The following PBRM1 variants were observed in gnomAD, a reference collection of about 807,000 sequenced individuals.
PBRM1 encodes the protein polybromo 1.
In PBRM1, 27 loss-of-function variants were observed where a neutral mutation model predicts 194.5. That is an observed-to-expected ratio of 0.14 (90% CI 0.10 to 0.19). The LOEUF (loss-of-function observed/expected upper bound fraction) is 0.19, where lower values mean the gene tolerates loss of function less well. Among genes scored for constraint, PBRM1 ranks in the 10% least tolerant of loss-of-function variants. PBRM1 has a pLI of 1.00. For missense variants in PBRM1, 1,466 were observed against 2,077.2 expected, an observed-to-expected ratio of 0.71 and a Z score of 5.72; for synonymous variants, 655 against 693.2, an observed-to-expected ratio of 0.94 and a Z score of 0.87.
intron 13 of PBRM1, among the ~76,000 whole-genome samples, chr3:52,620,301 C>T (rs1022858389): frequency 2.6e-5 from 4 of 152,118 alleles, no homozygotes; most frequent in Admixed American, 6.5e-5. Context: ...GATTAGATCT[C>T]GCATGTGGGG....
At chr3:52,593,971 G>A (rs1212169985) in intron 17 of PBRM1, among the ~76,000 whole-genome samples, 1 of 152,088 alleles carries the variant, frequency 6.6e-6, no homozygotes, top group East Asian at 1.9e-4. Context: ...GTTCAGGTCC[G>A]GAATATCATT....
chr3:52,591,511 GTTTTT>G (rs57736913), intron 17 of PBRM1, among the ~76,000 whole-genome samples: 1 of 71,842 alleles, frequency 1.4e-5, no homozygotes, highest in Non-Finnish European at 2.5e-5. Flanking sequence ...TTTTGTCTTT[GTTTTT>G]TTTTTTTTTT....
At chr3:52,646,076 C>A (rs1331620861) in intron 7 of PBRM1, among the ~76,000 whole-genome samples, 1 of 152,072 alleles carries the variant, frequency 6.6e-6, no homozygotes, top group Admixed American at 6.6e-5. Flanking sequence ...AATAATTAGA[C>A]CCAAAAGTAA....
At chr3:52,656,025 A>T (rs2096601153) in intron 5 of PBRM1, among the ~76,000 whole-genome samples, 1 of 152,216 alleles carries the variant, frequency 6.6e-6, no homozygotes, top group African/African-American at 2.4e-5. Flanking sequence ...AAAGTAAATG[A>T]TCACAATAGG....
intron 6 of PBRM1, among the ~76,000 whole-genome samples, chr3:52,650,928 CAATT>C (rs2096474022): frequency 2.0e-5 from 3 of 152,128 alleles, no homozygotes; most frequent in Admixed American, 6.5e-5. Context: ...CTCAGTCACA[CAATT>C]AATATTTATT....
At chr3:52,589,040 A>C in intron 18 of PBRM1, 30 bp downstream of exon 20, 2 of 1,547,846 alleles carry the variant, frequency 1.3e-6, no homozygotes, top group Non-Finnish European at 1.8e-6. Context: ...ATATCTCACT[A>C]AACTGTCCTT....
upstream of PBRM1, among the ~76,000 whole-genome samples, chr3:52,682,664 C>T (rs1196227064): frequency 6.6e-6 from 1 of 152,158 alleles, no homozygotes; most frequent in East Asian, 1.9e-4. Context: ...AACAACAGGA[C>T]CTTTGCTCCT....
At chr3:52,569,847 G>A (rs1162890158) in intron 22 of PBRM1, among the ~76,000 whole-genome samples, 1 of 152,096 alleles carries the variant, frequency 6.6e-6, no homozygotes, top group Non-Finnish European at 1.5e-5. Flanking sequence ...CTTAGTTGAT[G>A]CTCTTGAATT....
At chr3:52,600,962 T>G (rs895981425) in intron 17 of PBRM1, among the ~76,000 whole-genome samples, 1 of 152,228 alleles carries the variant, frequency 6.6e-6, no homozygotes, top group African/African-American at 2.4e-5. Flanking sequence ...GACTGAAATC[T>G]ATTGCTAGAG....
At chr3:52,554,009 A>G (rs568149517) in intron 27 of PBRM1, among the ~76,000 whole-genome samples, 1 of 152,260 alleles carries the variant, frequency 6.6e-6, no homozygotes, top group African/African-American at 2.4e-5. Context: ...CAGGTTGCCC[A>G]GGCTGGTCTT....
Position 52,631,654 on chromosome 3 carries a change from A to G in PBRM1, c.1302-2619T>C, listed in dbSNP as rs117810699. 9.0e-3 allele frequency among the ~76,000 whole-genome samples: 1,371 copies of G among 152,258 alleles called. 40 individuals carry two copies. The highest frequency in any genetic ancestry group is 0.07 in the East Asian group (365 of 5,180). On this transcript the variant is annotated intron_variant, in intron 11 of 29. Transcript: ENST00000296302. ...AGTGATACTCCCACGTCAGCCTCCC[A>G]AAGTGCTGGGATTACAGATGTGAGC...
intron 4 of PBRM1, among the ~76,000 whole-genome samples, chr3:52,661,439 T>TAGTATGTTATTTCACA (rs1233831239): frequency 6.6e-6 from 1 of 152,174 alleles, no homozygotes; most frequent in Non-Finnish European, 1.5e-5. Context: ...ATCATTCTAC[T>TAGTATGTTATTTCACA]TGGGGAAAGA....
At chr3:52,591,206 A>G (rs2092996586) in intron 17 of PBRM1, among the ~76,000 whole-genome samples, 1 of 152,096 alleles carries the variant, frequency 6.6e-6, no homozygotes. Flanking sequence ...CTGCAAAGAG[A>G]CGTAGTTTGA....
chr3:52,632,510 GGTTCGA>G (rs1452423457), intron 11 of PBRM1, among the ~76,000 whole-genome samples: 1 of 152,088 alleles, frequency 6.6e-6, no homozygotes, highest in Non-Finnish European at 1.5e-5. Context: ...TGAGCCCAGA[GGTTCGA>G]GTTGATCATG....
chr3:52,588,349 C>T (rs1243003637), intron 18 of PBRM1, among the ~76,000 whole-genome samples: 1 of 152,282 alleles, frequency 6.6e-6, no homozygotes, highest in East Asian at 1.9e-4. Flanking sequence ...AAAACAAATG[C>T]TAAGCCAAGG....
chr3:52,675,880 C>A lies in PBRM1; in HGVS notation c.236+2620G>T, dbSNP rs1445058238. Among the ~76,000 whole-genome samples, 4 of 115,302 alleles carry A rather than the reference C, an allele frequency of 3.5e-5. 1 individual carries two copies. Among genetic ancestry groups the A allele is most frequent in the Admixed American group, 2.9e-4 (3 of 10,428 alleles). 75.6% of individuals were successfully genotyped at this position (115,302 alleles called of 152,430 possible). A position where few individuals can be genotyped will look rare whatever the true frequency, so the allele number is the denominator to read the frequency against. On this transcript the variant is annotated intron_variant, in intron 2 of 29. Coordinates refer to ENST00000296302, the Ensembl canonical transcript of PBRM1. Reference sequence around the variant, plus strand: ...CCTGTAATCCCAGCACTTTGGGAGGCCGAGGCGGGCGGATCACGAGGTCAG... The same window carrying A: ...CCTGTAATCCCAGCACTTTGGGAGGACGAGGCGGGCGGATCACGAGGTCAG...
In PBRM1 at chr3:52,660,669, T is replaced by C. The variant is rs559866593; in HGVS notation, c.528+1464A>G. Reference sequence around the variant, plus strand: ...CAGGGATTACAGGTGCCCACCACCATGCCCAGCTAATTTTTGTATTTTTAG... The same window carrying C: ...CAGGGATTACAGGTGCCCACCACCACGCCCAGCTAATTTTTGTATTTTTAG... On this transcript the variant is annotated intron_variant, in intron 4 of 29. Transcript: ENST00000296302. 1.5e-4 allele frequency among the ~76,000 whole-genome samples: 23 copies of C among 151,824 alleles called. No homozygotes were observed. In the South Asian group the frequency reaches 4.0e-3, roughly 26 times the overall value.
chr3:52,587,479 G>A (rs1488351127), exon 19 of PBRM1: 2 of 1,611,284 alleles, frequency 1.2e-6, no homozygotes, highest in Non-Finnish European at 1.7e-6. Context: ...CATTTGGTCG[G>A]TAAAACCAAC....
At chr3:52,674,096 C>T (rs1189416563) in intron 2 of PBRM1, among the ~76,000 whole-genome samples, 4 of 150,612 alleles carry the variant, frequency 2.7e-5, no homozygotes, top group African/African-American at 7.3e-5. Context: ...TGCAGATAAA[C>T]GAAATTAGAG....
Sources: allele counts gnomAD v4.1 joint callset (sites outside exome capture counted in the v4.1 genomes callset), GRCh38; gene constraint gnomAD v4.1.1; transcripts MANE v1.5; gene names NCBI Gene and HGNC (gene_info 2026-07-23, HGNC 2026-07-21).